PCDH15: variants seen among roughly 807,000 people sequenced by gnomAD.
PCDH15 encodes the protein protocadherin-15.
A neutral mutation model predicts 178.5 loss-of-function variants in PCDH15; 129 were observed. The observed-to-expected ratio is 0.72, with a 90% confidence interval of 0.63 to 0.84. The LOEUF (loss-of-function observed/expected upper bound fraction) is 0.84. Ranked by LOEUF, PCDH15 falls within the 40% of genes least tolerant of loss-of-function variation. The probability of loss-of-function intolerance (pLI) is 0.00; values close to 1 mark genes in which losing one functional copy is unlikely to be tolerated. For synonymous variants in PCDH15, 800 were observed against 732.0 expected (o/e 1.09, Z -1.50); for missense variants, 2,230 against 2,099.9 (o/e 1.06, Z -1.21).
intron 1 of PCDH15, among the ~76,000 whole-genome samples, chr10:55,272,404 A>ATTTAT (rs921588868): frequency 6.7e-6 from 1 of 148,868 alleles, no homozygotes; most frequent in Non-Finnish European, 1.5e-5. Context: ...TTATTTTCTT[A>ATTTAT]TTTATTTTAT....
rs115143104 is a variant in PCDH15 at position 55,332,489 on chromosome 10, C to T, written c.-155-165838G>A. Among the ~76,000 whole-genome samples the T allele has an allele frequency of 5.2e-3, 792 of 152,194 alleles. 11 individuals are homozygous for T. The highest frequency in any genetic ancestry group is 0.018 in the African/African-American group (746 of 41,530). ...CTTCCAATTGACACTAAAAATATAT[C>T]TCATATTGATGACATTTGGAGGATA... is the stretch of plus-strand genomic sequence containing the variant. On this transcript the variant is annotated intron_variant, in intron 2 of 5. Transcript: ENST00000613346.
chr10:54,604,508 A>G (rs1332215258), intron 2 of PCDH15, among the ~76,000 whole-genome samples: 1 of 152,008 alleles, frequency 6.6e-6, no homozygotes, highest in Non-Finnish European at 1.5e-5. Flanking sequence ...TAACCTTTTT[A>G]TCTTTATGTA....
At chr10:54,781,710 A>T (rs1950379577) in intron 1 of PCDH15, among the ~76,000 whole-genome samples, 2 of 152,188 alleles carry the variant, frequency 1.3e-5, no homozygotes, top group African/African-American at 2.4e-5. Context: ...CTCTAAATCT[A>T]TCTTTTTTCT....
rs376986202 is a variant in PCDH15, at chr10:55,173,583, A to C, written c.-155-6932T>G. ...GCATTTGCTTTTCTTAAAATTATCA[A>C]CTTTCTCAATTTATCCGTTTAAAAA... On this transcript the variant is annotated intron_variant, in intron 1 of 5. Coordinates refer to the PCDH15 transcript ENST00000458638. 6.5e-4 allele frequency among the ~76,000 whole-genome samples: 99 copies of C among 152,058 alleles called. 1 individual carries two copies. In the South Asian group the frequency reaches 0.02, roughly 31 times the overall value.
At chr10:54,519,719 G>T (rs1210724353) in intron 3 of PCDH15, among the ~76,000 whole-genome samples, 3 of 152,088 alleles carry the variant, frequency 2.0e-5, no homozygotes, top group Non-Finnish European at 4.4e-5. Context: ...CTCCTTTAAA[G>T]TTCATATGGA....
intron 2 of PCDH15, among the ~76,000 whole-genome samples, chr10:54,992,103 T>A (rs946879386): frequency 1.9e-4 from 29 of 152,096 alleles, no homozygotes; most frequent in African/African-American, 7.0e-4. Context: ...AATAAAGAAT[T>A]TTTTAAAAAT....
At chr10:55,027,628 A>G (rs1440371189) in intron 2 of PCDH15, among the ~76,000 whole-genome samples, 1 of 151,824 alleles carries the variant, frequency 6.6e-6, no homozygotes, top group Non-Finnish European at 1.5e-5. Context: ...GAACCTCACA[A>G]CTTCTCTTCC....
At chr10:54,994,069 G>C (rs955914339) in intron 2 of PCDH15, among the ~76,000 whole-genome samples, 15 of 152,058 alleles carry the variant, frequency 9.9e-5, no homozygotes, top group African/African-American at 3.4e-4. Flanking sequence ...TCAAAAACAT[G>C]ACACCAAATC....
intron 2 of PCDH15, among the ~76,000 whole-genome samples, chr10:55,393,673 G>A (rs1565092737): frequency 6.6e-6 from 1 of 152,034 alleles, no homozygotes; most frequent in Non-Finnish European, 1.5e-5. Flanking sequence ...TAACAATAGG[G>A]GCTATCAGTC....
chr10:54,233,142 C>T (rs890383727), intron 9 of PCDH15, among the ~76,000 whole-genome samples: 6 of 151,858 alleles, frequency 4.0e-5, no homozygotes, highest in African/African-American at 1.5e-4. Context: ...CAGGGTTTCG[C>T]CATATTGCCC....
chr10:55,168,169 C>T (rs1179628709), intron 1 of PCDH15, among the ~76,000 whole-genome samples: 1 of 152,036 alleles, frequency 6.6e-6, no homozygotes. Context: ...GCAGCAAATC[C>T]TTTCCAGACA....
At chr10:53,871,150 A>G (rs990633680) in intron 26 of PCDH15, among the ~76,000 whole-genome samples, 2 of 149,184 alleles carry the variant, frequency 1.3e-5, no homozygotes, top group Non-Finnish European at 3.0e-5. Context: ...TGGCTAACGC[A>G]GTGAAACCCC....
intron 26 of PCDH15, among the ~76,000 whole-genome samples, chr10:53,877,438 T>C (rs2080327260): frequency 6.6e-6 from 1 of 151,490 alleles, no homozygotes; most frequent in Non-Finnish European, 1.5e-5. Context: ...AATCACAAAA[T>C]GCTATTAATT....
chr10:54,305,602 T>C (rs2060416729), intron 8 of PCDH15, among the ~76,000 whole-genome samples: 1 of 152,086 alleles, frequency 6.6e-6, no homozygotes, highest in Admixed American at 6.6e-5. Flanking sequence ...CAGATGTTTT[T>C]ATATTTTGAA....
intron 16 of PCDH15, among the ~76,000 whole-genome samples, chr10:54,081,719 A>G (rs149412115): frequency 1.2e-3 from 190 of 152,278 alleles, no homozygotes; most frequent in African/African-American, 4.2e-3. Flanking sequence ...TTAGTAATGC[A>G]ATACACCTTA....
At chr10:55,211,878 A>T (rs186845639) in intron 1 of PCDH15, among the ~76,000 whole-genome samples, 117 of 152,254 alleles carry the variant, frequency 7.7e-4, no homozygotes, top group African/African-American at 2.4e-3. Flanking sequence ...TCATTTATGC[A>T]GATATTGAAG....
intron 1 of PCDH15, among the ~76,000 whole-genome samples, chr10:55,237,520 T>C (rs1841414617): frequency 1.3e-5 from 2 of 152,156 alleles, no homozygotes; most frequent in Non-Finnish European, 2.9e-5. Context: ...ATACTGTTAG[T>C]AGGAGAGATT....
At chr10:55,241,120 A>G (rs1841531531) in intron 1 of PCDH15, among the ~76,000 whole-genome samples, 1 of 152,046 alleles carries the variant, frequency 6.6e-6, no homozygotes, top group Non-Finnish European at 1.5e-5. Flanking sequence ...GGAGGCTGAG[A>G]CAGGAGAATC....
At chr10:54,448,936 T>A (rs1178634218) in intron 3 of PCDH15, among the ~76,000 whole-genome samples, 1 of 151,752 alleles carries the variant, frequency 6.6e-6, no homozygotes, top group Non-Finnish European at 1.5e-5. Flanking sequence ...TCTCAAAGTT[T>A]CTCTCAAATT....
Sources: gnomAD v4.1 joint callset for allele counts (sites outside exome capture counted in the v4.1 genomes callset) on GRCh38, gnomAD v4.1.1 for gene constraint, MANE v1.5 for transcripts, NCBI Gene and HGNC (gene_info 2026-07-23, HGNC 2026-07-21) for gene names.